The following TTC28 variants were observed in gnomAD, a reference collection of about 807,000 sequenced individuals.
The protein encoded by TTC28 is tetratricopeptide repeat domain 28.
TTC28 carries 61 observed loss-of-function variants against 198.0 expected under a neutral mutation model. The observed-to-expected ratio is 0.31, with a 90% confidence interval of 0.25 to 0.38. The LOEUF (loss-of-function observed/expected upper bound fraction) is 0.38. Ranked by LOEUF, TTC28 falls within the 10% of genes least tolerant of loss-of-function variation. TTC28 has a pLI of 1.00. For missense variants in TTC28, 2,678 were observed against 3,164.0 expected, an observed-to-expected ratio of 0.85 and a Z score of 3.69; for synonymous variants, 1,171 against 1,297.8, an observed-to-expected ratio of 0.90 and a Z score of 2.10.
chr22:27,984,121 G>T (rs959999382), intron 22 of TTC28, among the ~76,000 whole-genome samples: 5 of 152,164 alleles, frequency 3.3e-5, no homozygotes, highest in African/African-American at 1.2e-4. Flanking sequence ...TCACATGCGG[G>T]GTCAGGGTAA....
At chr22:28,338,162 A>C (rs1405307480) in intron 2 of TTC28, among the ~76,000 whole-genome samples, 1 of 152,164 alleles carries the variant, frequency 6.6e-6, no homozygotes, top group Non-Finnish European at 1.5e-5. Context: ...AATGTTGAAA[A>C]CTGGCCCCCA....
chr22:28,249,779 G>A (rs1426676859), intron 5 of TTC28, among the ~76,000 whole-genome samples: 1 of 152,194 alleles, frequency 6.6e-6, no homozygotes, highest in Non-Finnish European at 1.5e-5. Context: ...TGAGAGGATG[G>A]ATGTGTTTCC....
intron 6 of TTC28, among the ~76,000 whole-genome samples, chr22:28,145,428 C>T (rs1051812701): frequency 1.3e-5 from 2 of 152,140 alleles, no homozygotes; most frequent in African/African-American, 4.8e-5. Flanking sequence ...TTGAGTCTCT[C>T]CTTGTTGGTA....
chr22:28,604,297 T>TTATATATATA lies in TTC28; in HGVS notation c.381+25245_381+25254dup, dbSNP rs35077140. Among the ~76,000 whole-genome samples the TTATATATATA allele has an allele frequency of 3.3e-3, 379 of 114,122 alleles. 2 individuals are homozygous for TTATATATATA. The highest frequency in any genetic ancestry group is 0.012 in the East Asian group (53 of 4,534). The allele number at this position is 114,122 out of a possible 152,430, so 74.9% of individuals were successfully genotyped here. A position where few individuals can be genotyped will look rare whatever the true frequency, so the allele number is the denominator to read the frequency against. The stretch of plus-strand genomic sequence containing the variant: ...AGTCTTAAACAGAAAAAAAAAAAAA[T>TTATATATATA]TATATATATATATATATATATATAT... On this transcript the variant is annotated intron_variant, in intron 2 of 22. Coordinates refer to ENST00000397906, the MANE Select transcript of TTC28 (RefSeq NM_001145418.2).
rs1416957814 is a variant in TTC28 at position 28,000,351 on chromosome 22, G to GCC, written c.4398+1022_4398+1023insGG. On this transcript the variant is annotated intron_variant, in intron 15 of 22. Coordinates refer to ENST00000397906, the MANE Select transcript of TTC28 (RefSeq NM_001145418.2). Reference sequence around the variant, plus strand: ...CAAGTCATCAAAGCAGCCAAGACAGGTCCTGTGGGGGCCACCCATGCACAG... The same window carrying GCC: ...CAAGTCATCAAAGCAGCCAAGACAGGCCTCCTGTGGGGGCCACCCATGCACAG... 19 of 152,420 alleles carry GCC rather than the reference G, an allele frequency of 1.2e-4. No homozygotes were observed. In the East Asian group the frequency reaches 3.7e-3, roughly 29 times the overall value. The allele number at this position is 152,420 out of a possible 1,614,324, so 9.4% of individuals were successfully genotyped here.
chr22:28,433,382 T>C (rs2047463883), intron 2 of TTC28, among the ~76,000 whole-genome samples: 2 of 152,114 alleles, frequency 1.3e-5, no homozygotes, highest in Admixed American at 1.3e-4. Flanking sequence ...CCCCTTAAAG[T>C]ACCCAGGTCA....
At chr22:28,223,867 T>C (rs1928078883) in intron 5 of TTC28, among the ~76,000 whole-genome samples, 1 of 152,198 alleles carries the variant, frequency 6.6e-6, no homozygotes, top group African/African-American at 2.4e-5. Context: ...TATTAAACCT[T>C]CCCTTCTACA....
intron 5 of TTC28, among the ~76,000 whole-genome samples, chr22:28,171,189 T>C (rs957053361): frequency 2.0e-5 from 3 of 152,174 alleles, no homozygotes; most frequent in Non-Finnish European, 2.9e-5. Context: ...TTTGCAGATA[T>C]AAAAGGGAAG....
intron 5 of TTC28, among the ~76,000 whole-genome samples, chr22:28,166,245 G>C (rs1408728257): frequency 6.6e-6 from 1 of 152,300 alleles, no homozygotes; most frequent in East Asian, 1.9e-4. Context: ...AAACCCCACT[G>C]TCAACATTAG....
chr22:28,662,354 G>A (rs2051762522), intron 1 of TTC28, among the ~76,000 whole-genome samples: 2 of 152,146 alleles, frequency 1.3e-5, no homozygotes, highest in South Asian at 4.1e-4. Flanking sequence ...GACAGTCTAA[G>A]GCAAATGGTT....
At chr22:28,016,188 C>G (rs975752226) in intron 13 of TTC28, among the ~76,000 whole-genome samples, 36 of 152,280 alleles carry the variant, frequency 2.4e-4, no homozygotes, top group Non-Finnish European at 1.5e-5. Context: ...CTCACTCACT[C>G]TGGAAACGTG....
At chr22:28,564,852 A>T (rs1350489118) in intron 2 of TTC28, among the ~76,000 whole-genome samples, 1 of 147,546 alleles carries the variant, frequency 6.8e-6, no homozygotes, top group East Asian at 2.0e-4. Context: ...TATATATTTT[A>T]TATATATTTT....
At chr22:28,570,492 A>G (rs2050043091) in intron 2 of TTC28, among the ~76,000 whole-genome samples, 1 of 152,194 alleles carries the variant, frequency 6.6e-6, no homozygotes, top group South Asian at 2.1e-4. Context: ...GTGGGAGCTA[A>G]ACACTGAATA....
intron 12 of TTC28, among the ~76,000 whole-genome samples, chr22:28,071,048 G>T (rs1361807283): frequency 6.6e-6 from 1 of 152,062 alleles, no homozygotes; most frequent in Non-Finnish European, 1.5e-5. Context: ...TCAGGGCATG[G>T]GAGGAGAATG....
intron 5 of TTC28, among the ~76,000 whole-genome samples, chr22:28,183,420 A>C (rs1923894402): frequency 1.3e-5 from 2 of 152,146 alleles, no homozygotes; most frequent in African/African-American, 2.4e-5. Flanking sequence ...GCTGAAGGTC[A>C]GCCTACTAAT....
chr22:28,609,476 G>A (rs964282158), intron 2 of TTC28, among the ~76,000 whole-genome samples: 1 of 152,182 alleles, frequency 6.6e-6, no homozygotes, highest in African/African-American at 2.4e-5. Flanking sequence ...GGAAGCACAA[G>A]GGGTCGGGGA....
chr22:28,238,026 TTC>T (rs1008410542), intron 5 of TTC28, among the ~76,000 whole-genome samples: 8 of 152,210 alleles, frequency 5.3e-5, no homozygotes, highest in Non-Finnish European at 1.0e-4. Flanking sequence ...GTTCTTCAGA[TTC>T]TCTCTTTTAT....
chr22:28,116,765 G>GT lies in TTC28; in HGVS notation c.1442-8363dup, dbSNP rs1388379778. On this transcript the variant is annotated intron_variant, in intron 6 of 22. Transcript: ENST00000397906. ...AGCTAAGACCCTGAAAGCTGAACCA[G>GT]TACCATCTCCTTGGAGCACCTTCTG... Among the ~76,000 whole-genome samples, 4 of 152,330 alleles carry GT rather than the reference G, an allele frequency of 2.6e-5. No homozygotes were observed. In the East Asian group the frequency reaches 5.8e-4, roughly 22 times the overall value.
intron 2 of TTC28, among the ~76,000 whole-genome samples, chr22:28,587,968 C>T (rs1437795996): frequency 6.6e-6 from 1 of 151,522 alleles, no homozygotes; most frequent in Admixed American, 6.6e-5. Context: ...GGTGAAACCC[C>T]GTCTCTAATA....
Sources: allele counts gnomAD v4.1 joint callset (sites outside exome capture counted in the v4.1 genomes callset), GRCh38; gene constraint gnomAD v4.1.1; transcripts MANE v1.5; gene names NCBI Gene and HGNC (gene_info 2026-07-23, HGNC 2026-07-21).